ANKRD17: variants seen among roughly 807,000 people sequenced by gnomAD.
The protein encoded by ANKRD17 is ankyrin repeat domain-containing protein 17.
A neutral mutation model predicts 229.7 loss-of-function variants in ANKRD17; 19 were observed. The ratio of observed to expected loss-of-function variants is 0.08; its 90% CI spans 0.06 to 0.12. ANKRD17 has a LOEUF of 0.12. ANKRD17 is among the 10% of genes least tolerant of loss of function. The probability of loss-of-function intolerance (pLI) is 1.00; values close to 1 mark genes in which losing one functional copy is unlikely to be tolerated. For synonymous variants in ANKRD17, 1,112 were observed against 1,146.1 expected (o/e 0.97, Z 0.60); for missense variants, 2,176 against 3,176.8 (o/e 0.68, Z 7.57).
At chr4:73,219,408 T>C (rs1741564812) in intron 1 of ANKRD17, among the ~76,000 whole-genome samples, 1 of 152,218 alleles carries the variant, frequency 6.6e-6, no homozygotes. Context: ...ATAATTTTTA[T>C]GGTAAATAGC....
intron 5 of ANKRD17, among the ~76,000 whole-genome samples, chr4:73,154,908 G>A (rs1319111196): frequency 6.6e-6 from 1 of 151,946 alleles, no homozygotes; most frequent in East Asian, 1.9e-4. Flanking sequence ...GGGCATAGTG[G>A]CAGGCGCCTG....
rs1035835468 is a variant in ANKRD17 at position 73,075,210 on chromosome 4, TAAG to T, written c.*1018_*1020del. 15 of 152,264 alleles carry T rather than the reference TAAG, an allele frequency of 9.9e-5. No individual in the cohort carries two copies. The highest frequency in any genetic ancestry group is 3.4e-4 in the African/African-American group (14 of 41,592). 9.4% of individuals were successfully genotyped at this position (152,264 alleles called of 1,614,324 possible). A position where few individuals can be genotyped will look rare whatever the true frequency, so the allele number is the denominator to read the frequency against. ...CTGTTGATGACTGAAAAGCCAATGT[TAAG>T]AATCAATATCATCCAATATAAAATA... On this transcript the variant is annotated 3_prime_UTR_variant, in exon 34 of 34. Coordinates refer to ENST00000358602, the MANE Select transcript of ANKRD17 (RefSeq NM_032217.5).
chr4:73,095,354 A>G (rs1271283705), intron 27 of ANKRD17, among the ~76,000 whole-genome samples: 1 of 151,976 alleles, frequency 6.6e-6, no homozygotes, highest in Non-Finnish European at 1.5e-5. Context: ...TAATCCCAGC[A>G]CTTTGGGAAG....
chr4:73,103,827 G>GT (rs148621021), intron 24 of ANKRD17, among the ~76,000 whole-genome samples: 64,853 of 148,598 alleles, frequency 0.44, 14,209 homozygotes, highest in Admixed American at 0.52. Context: ...AACCCTCTCC[G>GT]GTTTTTTTTT....
chr4:73,223,115 A>G, intron 1 of ANKRD17: 1 of 1,429,976 alleles, frequency 7.0e-7, no homozygotes, highest in Admixed American at 2.0e-5. Flanking sequence ...GGGAACAGGA[A>G]ATGGAATGTT....
chr4:73,220,185 TATA>T (rs1399982096), intron 1 of ANKRD17, among the ~76,000 whole-genome samples: 1 of 152,120 alleles, frequency 6.6e-6, no homozygotes, highest in Non-Finnish European at 1.5e-5. Flanking sequence ...ATTCTAAAAT[TATA>T]ATCATGTCTC....
At chr4:73,140,315 A>G in intron 14 of ANKRD17, 32 bp from the exon 15 acceptor site, 1 of 1,539,496 alleles carries the variant, frequency 6.5e-7, no homozygotes, top group Non-Finnish European at 8.7e-7. Context: ...TCAGAAGTGC[A>G]CATGAATGGC....
Position 73,113,205 on chromosome 4 carries a change from T to A in ANKRD17, c.4401+587A>T, listed in dbSNP as rs1725537612. The A allele has an allele frequency of 3.9e-6, 5 of 1,288,238 alleles. No individual in the cohort carries two copies. In the Admixed American group the frequency reaches 1.2e-4, roughly 30 times the overall value. The allele number at this position is 1,288,238 out of a possible 1,614,324, so 79.8% of individuals were successfully genotyped here. ...TAGAGTACAGAATTATAGGGGAAAA[T>A]GTGGCAGAAAAGGGAAGTGAAGAAG... On this transcript the variant is annotated intron_variant, in intron 24 of 33. Coordinates refer to ENST00000358602, the MANE Select transcript of ANKRD17 (RefSeq NM_032217.5).
In ANKRD17 at chr4:73,229,245, C is replaced by T. The variant is rs577942107; in HGVS notation, c.393+29031G>A. Among the ~76,000 whole-genome samples, 368 of 152,252 alleles carry T rather than the reference C, an allele frequency of 2.4e-3. 2 individuals carry two copies. Among genetic ancestry groups the T allele is most frequent in the South Asian group, 0.016 (77 of 4,822 alleles). On this transcript the variant is annotated intron_variant, in intron 1 of 33. Coordinates refer to ENST00000358602, the MANE Select transcript of ANKRD17 (RefSeq NM_032217.5). ...CATGTATACATATGTAACAAACCTG[C>T]ACGTTGTGCACATGTACCCTAGAAC...
At chr4:73,198,927 T>A (rs967426138) in intron 1 of ANKRD17, among the ~76,000 whole-genome samples, 4 of 152,148 alleles carry the variant, frequency 2.6e-5, no homozygotes, top group African/African-American at 9.7e-5. Flanking sequence ...GTAAAACTTG[T>A]AACACATAAA....
chr4:73,174,166 T>C (rs374041616), intron 2 of ANKRD17, among the ~76,000 whole-genome samples: 17 of 137,578 alleles, frequency 1.2e-4, no homozygotes, highest in African/African-American at 2.8e-4. Context: ...CTGATGAACA[T>C]AGATGCAAAA....
chr4:73,204,544 C>A (rs1739193829), intron 1 of ANKRD17, among the ~76,000 whole-genome samples: 1 of 151,880 alleles, frequency 6.6e-6, no homozygotes, highest in Non-Finnish European at 1.5e-5. Context: ...GTAAATTCTT[C>A]AAGTGGATAG....
chr4:73,149,609 G>A (rs1730734065), intron 7 of ANKRD17, among the ~76,000 whole-genome samples: 1 of 152,144 alleles, frequency 6.6e-6, no homozygotes, highest in African/African-American at 2.4e-5. Flanking sequence ...GCTCACGCCT[G>A]TAATCTCAGG....
At chr4:73,163,431 AC>A (rs1290276806) in intron 2 of ANKRD17, among the ~76,000 whole-genome samples, 2 of 152,132 alleles carry the variant, frequency 1.3e-5, no homozygotes, top group Non-Finnish European at 2.9e-5. Context: ...CTGATCCAAA[AC>A]CTGCATTTTA....
chr4:73,245,673 T>C (rs1264143585), intron 1 of ANKRD17, among the ~76,000 whole-genome samples: 3 of 152,156 alleles, frequency 2.0e-5, no homozygotes, highest in African/African-American at 7.2e-5. Flanking sequence ...ATAAATCTAC[T>C]TGCTCTGCTT....
intron 6 of ANKRD17, among the ~76,000 whole-genome samples, chr4:73,153,222 C>A (rs762468593): frequency 6.6e-6 from 1 of 151,834 alleles, no homozygotes; most frequent in African/African-American, 2.4e-5. Context: ...GAATTTATGA[C>A]GTAAATAATA....
At position 73,228,833 on chromosome 4, in the gene ANKRD17, C is replaced by T. The variant is rs553655891; in HGVS notation, c.393+29443G>A. On this transcript the variant is annotated intron_variant, in intron 1 of 33. Coordinates refer to ENST00000358602, the MANE Select transcript of ANKRD17 (RefSeq NM_032217.5). ...ATGCTGCTATAAAGGCACATGCACA[C>T]GTATGTTTACTGCAGCACTATTCAC... Among the ~76,000 whole-genome samples, 24 of 152,224 alleles carry T rather than the reference C, an allele frequency of 1.6e-4. No individual in the cohort carries two copies. In the South Asian group the frequency reaches 3.7e-3, roughly 24 times the overall value.
chr4:73,184,097 C>T (rs969840856), intron 1 of ANKRD17, among the ~76,000 whole-genome samples: 2 of 152,036 alleles, frequency 1.3e-5, no homozygotes, highest in African/African-American at 4.8e-5. Context: ...TTTGGTAATG[C>T]GGGGTCATTT....
At chr4:73,120,392 A>C in intron 20 of ANKRD17, 55 bp from the exon 21 acceptor site, 1 of 1,521,490 alleles carries the variant, frequency 6.6e-7, no homozygotes, top group Non-Finnish European at 9.0e-7. Flanking sequence ...GAAAGATCTA[A>C]AATTGTAAAG....
Sources: allele counts gnomAD v4.1 joint callset (sites outside exome capture counted in the v4.1 genomes callset), GRCh38; gene constraint gnomAD v4.1.1; transcripts MANE v1.5; gene names NCBI Gene and HGNC (gene_info 2026-07-23, HGNC 2026-07-21).